SNTG1: variants seen among roughly 807,000 people sequenced by gnomAD.
SNTG1 encodes the protein gamma-1-syntrophin.
SNTG1 carries 39 observed loss-of-function variants against 74.7 expected under a neutral mutation model. That is an observed-to-expected ratio of 0.52 (90% confidence interval 0.40 to 0.68). The LOEUF is 0.68. Among genes scored for constraint, SNTG1 ranks in the 30% least tolerant of loss-of-function variants. The pLI, the probability that SNTG1 is intolerant of heterozygous loss-of-function variation, is 0.00. For synonymous variants in SNTG1, 254 were observed against 217.1 expected (o/e 1.17, Z -1.49); for missense variants, 685 against 609.5 (o/e 1.12, Z -1.30).
At chr8:50,113,972 T>G (rs1410906438) in intron 1 of SNTG1, among the ~76,000 whole-genome samples, 2 of 151,862 alleles carry the variant, frequency 1.3e-5, no homozygotes, top group African/African-American at 4.8e-5. Flanking sequence ...ATGTCTCAAC[T>G]TCACATAAAT....
At chr8:50,121,738 G>T (rs1416748546) in intron 1 of SNTG1, among the ~76,000 whole-genome samples, 3 of 141,660 alleles carry the variant, frequency 2.1e-5, no homozygotes, top group African/African-American at 7.7e-5. Context: ...GCTCACACCT[G>T]CAGTCCCAGT....
At chr8:50,520,101 C>T (rs989473870) in intron 9 of SNTG1, among the ~76,000 whole-genome samples, 12 of 152,146 alleles carry the variant, frequency 7.9e-5, no homozygotes, top group East Asian at 3.8e-4. Flanking sequence ...ACATACAGAC[C>T]AGTGGAACAG....
intron 2 of SNTG1, among the ~76,000 whole-genome samples, chr8:50,364,909 A>AT (rs2092066528): frequency 6.6e-6 from 1 of 151,972 alleles, no homozygotes; most frequent in African/African-American, 2.4e-5. Context: ...ATATAATTTT[A>AT]TTTTTTCAAA....
chr8:50,737,240 C>G (rs998303234), intron 17 of SNTG1, among the ~76,000 whole-genome samples: 2 of 151,904 alleles, frequency 1.3e-5, no homozygotes, highest in Non-Finnish European at 2.9e-5. Flanking sequence ...ACCACTGATC[C>G]CACAGAAATA....
At chr8:50,373,927 C>A (rs1024615485) in intron 2 of SNTG1, among the ~76,000 whole-genome samples, 1 of 152,096 alleles carries the variant, frequency 6.6e-6, no homozygotes, top group Non-Finnish European at 1.5e-5. Flanking sequence ...CGTTCCTGGG[C>A]CATTACAGGA....
intron 2 of SNTG1, among the ~76,000 whole-genome samples, chr8:50,315,001 A>G (rs979202855): frequency 6.7e-6 from 1 of 149,658 alleles, no homozygotes; most frequent in Non-Finnish European, 1.5e-5. Flanking sequence ...ACAGCATTAA[A>G]CTCATTGATT....
At chr8:50,175,455 A>G (rs1040196004) in intron 2 of SNTG1, among the ~76,000 whole-genome samples, 11 of 152,180 alleles carry the variant, frequency 7.2e-5, no homozygotes, top group Non-Finnish European at 1.5e-4. Context: ...GGAAGAATCA[A>G]TTGAAGGGGA....
chr8:50,109,152 A>G (rs2131291889), intron 1 of SNTG1, among the ~76,000 whole-genome samples: 1 of 152,278 alleles, frequency 6.6e-6, no homozygotes, highest in African/African-American at 2.4e-5. Context: ...AGTTCATAGG[A>G]AGCCAATTCA....
At chr8:50,005,617 C>A (rs1815150389) in intron 1 of SNTG1, among the ~76,000 whole-genome samples, 1 of 151,928 alleles carries the variant, frequency 6.6e-6, no homozygotes, top group Non-Finnish European at 1.5e-5. Context: ...ATTACATTTA[C>A]CTTATTGCAT....
At chr8:50,376,633 A>C (rs1279616225) in intron 2 of SNTG1, among the ~76,000 whole-genome samples, 3 of 150,846 alleles carry the variant, frequency 2.0e-5, no homozygotes. Context: ...CAAATTGTAT[A>C]TATTTTTTGC....
chr8:50,112,283 G>A (rs2080623379), intron 1 of SNTG1, among the ~76,000 whole-genome samples: 2 of 151,908 alleles, frequency 1.3e-5, no homozygotes, highest in South Asian at 4.2e-4. Context: ...AGGAAACCAG[G>A]TAGGTATGAT....
chr8:50,108,379 ATGT>A (rs1421229138), intron 1 of SNTG1, among the ~76,000 whole-genome samples: 2 of 152,180 alleles, frequency 1.3e-5, no homozygotes, highest in South Asian at 2.1e-4. Flanking sequence ...TCAAAGGTTG[ATGT>A]TGTAAGAATA....
intron 12 of SNTG1, among the ~76,000 whole-genome samples, chr8:50,575,383 G>C (rs1479352178): frequency 6.6e-6 from 1 of 152,174 alleles, no homozygotes; most frequent in African/African-American, 2.4e-5. Flanking sequence ...GCCTCCTGAT[G>C]AAGGTAATAA....
intron 13 of SNTG1, among the ~76,000 whole-genome samples, chr8:50,650,952 T>C (rs2095141513): frequency 6.6e-6 from 1 of 152,138 alleles, no homozygotes; most frequent in South Asian, 2.1e-4. Context: ...CTACCCATCT[T>C]GGCTTTCCAA....
chr8:50,118,710 C>T (rs184370621), intron 1 of SNTG1, among the ~76,000 whole-genome samples: 5 of 142,366 alleles, frequency 3.5e-5, no homozygotes, highest in Admixed American at 7.2e-5. Context: ...TTTATTTTTC[C>T]TTTATAGTTT....
intron 1 of SNTG1, among the ~76,000 whole-genome samples, chr8:50,056,572 T>G (rs1820041252): frequency 6.6e-6 from 1 of 152,160 alleles, no homozygotes; most frequent in African/African-American, 2.4e-5. Context: ...TGGGTTCCAA[T>G]CTGTTCACAA....
At chr8:50,558,528 A>G (rs953378821) in intron 12 of SNTG1, among the ~76,000 whole-genome samples, 10 of 152,196 alleles carry the variant, frequency 6.6e-5, no homozygotes, top group African/African-American at 2.4e-4. Flanking sequence ...TACTTCTTTC[A>G]AAAAAGTTCT....
rs554918518 is a variant in SNTG1, at chr8:50,244,821, G to C, written c.-28+72186G>C. Among the ~76,000 whole-genome samples, 3 of 152,202 alleles carry C rather than the reference G, an allele frequency of 2.0e-5. No individual in the cohort carries two copies. The South Asian group carries it at 6.2e-4, about 32-fold the overall frequency. ...ACTTGCAGTCTCAAATATGCTTGGC[G>C]ATCACAGAATAGATGCTAGATACTT... On this transcript the variant is annotated intron_variant, in intron 2 of 18. Transcript: ENST00000642720.
chr8:50,083,126 A>G (rs1371684060), intron 1 of SNTG1, among the ~76,000 whole-genome samples: 1 of 152,204 alleles, frequency 6.6e-6, no homozygotes, highest in Non-Finnish European at 1.5e-5. Flanking sequence ...GGATGAAGCA[A>G]TCACAGACTG....
Sources: allele counts gnomAD v4.1 joint callset (sites outside exome capture counted in the v4.1 genomes callset), GRCh38; gene constraint gnomAD v4.1.1; transcripts MANE v1.5; gene names NCBI Gene and HGNC (gene_info 2026-07-23, HGNC 2026-07-21).